Variants in BID observed in about 807,000 individuals in gnomAD.
BID encodes BH3-interacting domain death agonist.
Under a neutral mutation model 17.4 loss-of-function variants are expected in BID, and 19 were observed. That is an observed-to-expected ratio of 1.09 (90% CI 0.76 to 1.60). The LOEUF (loss-of-function observed/expected upper bound fraction) is 1.60, where lower values mean the gene tolerates loss of function less well. Among genes scored for constraint, BID ranks in the 40% most tolerant of loss-of-function variants. The pLI is 0.00. For synonymous variants in BID, 108 were observed against 102.8 expected (o/e 1.05, Z -0.31); for missense variants, 226 against 256.0 (o/e 0.88, Z 0.80).
At chr22:17,736,994 A>C (rs887866946) in intron 5 of BID, among the ~76,000 whole-genome samples, 1 of 151,808 alleles carries the variant, frequency 6.6e-6, no homozygotes, top group Non-Finnish European at 1.5e-5. Context: ...TTTAGTAGAA[A>C]CGGGGTTTCA....
intron 2 of BID, among the ~76,000 whole-genome samples, chr22:17,747,097 C>G (rs1442058189): frequency 6.6e-6 from 1 of 152,114 alleles, no homozygotes; most frequent in Non-Finnish European, 1.5e-5. Context: ...GAAAGAATGG[C>G]ACCTGCCAGA....
intron 1 of BID, among the ~76,000 whole-genome samples, chr22:17,765,663 C>A (rs961785909): frequency 1.3e-5 from 2 of 152,144 alleles, no homozygotes; most frequent in Non-Finnish European, 2.9e-5. Flanking sequence ...AAAAGGTACA[C>A]CTGTATTATA....
chr22:17,744,728 G>A (rs1028085670), intron 2 of BID, among the ~76,000 whole-genome samples: 1 of 152,162 alleles, frequency 6.6e-6, no homozygotes, highest in Non-Finnish European at 1.5e-5. Flanking sequence ...CATCTGTGCC[G>A]CCAGAGATGG....
At chr22:17,758,928 TACA>T (rs2061613623) in intron 1 of BID, among the ~76,000 whole-genome samples, 1 of 151,756 alleles carries the variant, frequency 6.6e-6, no homozygotes, top group Non-Finnish European at 1.5e-5. Flanking sequence ...TAAAAAAATA[TACA>T]CTTAAAAAAG....
At chr22:17,756,069 T>C (rs2061580618) in intron 1 of BID, among the ~76,000 whole-genome samples, 1 of 152,186 alleles carries the variant, frequency 6.6e-6, no homozygotes, top group African/African-American at 2.4e-5. Context: ...GGTTTCACTA[T>C]GTTAGCCAGG....
intron 1 of BID, among the ~76,000 whole-genome samples, chr22:17,772,647 C>T (rs1207486816): frequency 6.6e-6 from 1 of 151,672 alleles, no homozygotes; most frequent in Non-Finnish European, 1.5e-5. Context: ...CCTCCATCAC[C>T]CTCATCCATC....
At chr22:17,774,481 C>G, upstream of BID, 1 of 277,514 alleles carries the variant, frequency 3.6e-6, no homozygotes. Context: ...TGGCGCCCCG[C>G]GCGCTTCCTC....
At chr22:17,737,636 G>A (rs752291387) in intron 5 of BID, among the ~76,000 whole-genome samples, 3 of 152,194 alleles carry the variant, frequency 2.0e-5, no homozygotes, top group Admixed American at 1.3e-4. Flanking sequence ...ATGAGCCACC[G>A]CACTGGCCAC....
chr22:17,739,401 C>A lies in BID; in HGVS notation c.311G>T (p.Gly104Val), dbSNP rs780833600. The A allele has an allele frequency of 7.5e-6, 12 of 1,610,548 alleles. No individual in the cohort carries two copies. The South Asian group carries it at 1.3e-4, about 18-fold the overall frequency. The change falls in exon 4 of 6, where the codon GGC becomes GTC. Residue 104 changes from glycine (G) to valine (V), a missense_variant. Gly to Val is a moderately radical substitution (Grantham distance 109). Coordinates refer to ENST00000622694, the MANE Select transcript of BID (RefSeq NM_001196.4). ...CTGCAGGGCCAGGCCGTTCACCAGG[C>A]CCGGAGGGATGCTACGGTCCATGCT... Reference protein sequence around the residue: ...GDSMDRSIPPGLVNGLALQLR... With the variant: ...GDSMDRSIPPVLVNGLALQLR...
intron 2 of BID, among the ~76,000 whole-genome samples, chr22:17,747,050 A>AGTTAT (rs2061499538): frequency 6.6e-6 from 1 of 152,204 alleles, no homozygotes. Flanking sequence ...TCAAGATCCC[A>AGTTAT]CAGAAAATAA....
chr22:17,772,725 G>A (rs1452741434), intron 1 of BID, among the ~76,000 whole-genome samples: 1 of 152,090 alleles, frequency 6.6e-6, no homozygotes, highest in Non-Finnish European at 1.5e-5. Flanking sequence ...GCAAATGAGT[G>A]GGACCCTCAG....
Position 17,735,456 on chromosome 22 carries a change from C to G in BID, c.*124G>C. 9.2e-7 allele frequency: 1 copy of G among 1,082,084 alleles called. No individual in the cohort carries two copies. The highest frequency in any genetic ancestry group is 1.4e-6 in the Non-Finnish European group (1 of 722,056). The allele number at this position is 1,082,084 out of a possible 1,614,324, so 67.0% of individuals were successfully genotyped here. A position where few individuals can be genotyped will look rare whatever the true frequency, so the allele number is the denominator to read the frequency against. The stretch of plus-strand genomic sequence containing the variant: ...ATTGTCTTTAAAATAGAAGTCACAG[C>G]TATCTTCCAGCCTGTCTTCTCTAGG... On this transcript the variant is annotated 3_prime_UTR_variant, in exon 6 of 6. Coordinates refer to ENST00000622694, the MANE Select transcript of BID (RefSeq NM_001196.4).
rs1251759596 is a variant in BID, at chr22:17,743,898, T to C, written c.128A>G (p.Glu43Gly). 1 of 1,613,674 alleles carries C rather than the reference T, an allele frequency of 6.2e-7. No homozygotes were observed. The highest frequency in any genetic ancestry group is 8.5e-7 in the Non-Finnish European group (1 of 1,179,998). The change falls in exon 3 of 6, where the codon GAG becomes GGG. Residue 43 changes from glutamate (E) to glycine (G), a missense_variant. Glu to Gly is a moderately conservative substitution (Grantham distance 98, BLOSUM62 -2). Transcript: ENST00000622694. ...FRRELDALGH[E>G]LPVLAPQWEG... ...CCACTGGGGAGCCAGCACTGGCAGC[T>C]CGTGGCCCAGTGCGTCCAGCTCTCT...
chr22:17,740,277 A>T, intron 3 of BID: 1 of 1,040,390 alleles, frequency 9.6e-7, no homozygotes, highest in Non-Finnish European at 1.5e-6. Flanking sequence ...TAGGTGCTCA[A>T]TAAACAATGG....
chr22:17,762,813 T>C (rs1317856411), intron 1 of BID, among the ~76,000 whole-genome samples: 2 of 151,990 alleles, frequency 1.3e-5, no homozygotes, highest in African/African-American at 2.4e-5. Context: ...TTTTTATATA[T>C]AAAGGGATCT....
intron 2 of BID, among the ~76,000 whole-genome samples, chr22:17,745,043 TG>T (rs1319674523): frequency 6.6e-6 from 1 of 152,142 alleles, no homozygotes; most frequent in African/African-American, 2.4e-5. Context: ...CAGGGCAAAT[TG>T]TTTTTTTGTT....
chr22:17,757,923 G>A (rs2061606184), intron 1 of BID, among the ~76,000 whole-genome samples: 1 of 152,208 alleles, frequency 6.6e-6, no homozygotes, highest in African/African-American at 2.4e-5. Flanking sequence ...TCTCTACTTG[G>A]TCTCAAGTTG....
intron 1 of BID, among the ~76,000 whole-genome samples, chr22:17,763,455 G>A (rs2061655992): frequency 6.6e-6 from 1 of 152,126 alleles, no homozygotes. Context: ...TGCTGGTCAA[G>A]CTGGTCTCGA....
intron 1 of BID, among the ~76,000 whole-genome samples, chr22:17,754,069 C>CCGG (rs2061562443): frequency 1.3e-5 from 2 of 151,894 alleles, no homozygotes; most frequent in African/African-American, 2.4e-5. Flanking sequence ...CAGGACTCTG[C>CCGG]AGGACAGGGG....
Sources: allele counts gnomAD v4.1 joint callset (sites outside exome capture counted in the v4.1 genomes callset), GRCh38; gene constraint gnomAD v4.1.1; transcripts MANE v1.5; gene names NCBI Gene and HGNC (gene_info 2026-07-23, HGNC 2026-07-21).